Variants in NRG1 observed in about 807,000 individuals in gnomAD.
NRG1 encodes neuregulin 1.
A neutral mutation model predicts 63.8 loss-of-function variants in NRG1; 18 were observed. The observed-to-expected ratio is 0.28, with a 90% CI of 0.19 to 0.42. The LOEUF is 0.42. Among genes scored for constraint, NRG1 ranks in the 10% least tolerant of loss-of-function variants. NRG1 has a pLI of 1.00. For missense variants in NRG1, 762 were observed against 814.7 expected, an observed-to-expected ratio of 0.94 and a Z score of 0.79; for synonymous variants, 302 against 301.3, an observed-to-expected ratio of 1.00 and a Z score of -0.02.
intron 1 of NRG1, among the ~76,000 whole-genome samples, chr8:32,536,591 T>C (rs1299072289): frequency 6.6e-6 from 1 of 152,046 alleles, no homozygotes; most frequent in Non-Finnish European, 1.5e-5. Context: ...ACAGCATGTG[T>C]GTACCAGGGG....
chr8:31,659,006 C>T (rs1027775090), intron 1 of NRG1, among the ~76,000 whole-genome samples: 1 of 152,152 alleles, frequency 6.6e-6, no homozygotes, highest in Non-Finnish European at 1.5e-5. Flanking sequence ...GTTGTACCAC[C>T]CTGGTGCTCA....
chr8:32,496,453 G>A (rs1320609320), intron 1 of NRG1, among the ~76,000 whole-genome samples: 1 of 152,160 alleles, frequency 6.6e-6, no homozygotes, highest in African/African-American at 2.4e-5. Flanking sequence ...AACTGGGCAT[G>A]GCGGTGCGTG....
At chr8:32,760,216 A>C (rs1336909016) in exon 11 of NRG1, 1 of 1,614,004 alleles carries the variant, frequency 6.2e-7, no homozygotes, top group Admixed American at 1.7e-5. Flanking sequence ...CAACGGACAC[A>C]CTGAAAGCAT....
intron 1 of NRG1, among the ~76,000 whole-genome samples, chr8:32,137,440 T>G (rs1448302046): frequency 6.6e-6 from 1 of 151,990 alleles, no homozygotes; most frequent in Non-Finnish European, 1.5e-5. Flanking sequence ...AGACCCCATC[T>G]CAAAAGAAAA....
chr8:32,549,440 T>C (rs1485293468), intron 1 of NRG1, among the ~76,000 whole-genome samples: 2 of 152,224 alleles, frequency 1.3e-5, no homozygotes, highest in Non-Finnish European at 2.9e-5. Flanking sequence ...CAGGGATTCC[T>C]AAAGGTCAGC....
chr8:31,659,952 A>T (rs1338158218), intron 1 of NRG1, among the ~76,000 whole-genome samples: 1 of 152,118 alleles, frequency 6.6e-6, no homozygotes, highest in Non-Finnish European at 1.5e-5. Flanking sequence ...TCTTGACAAT[A>T]TCCCCAGAGA....
intron 1 of NRG1, among the ~76,000 whole-genome samples, chr8:32,008,665 T>C (rs1332133154): frequency 2.6e-5 from 4 of 152,162 alleles, no homozygotes; most frequent in Non-Finnish European, 4.4e-5. Flanking sequence ...TTGAGAACAA[T>C]TTACCAGATT....
intron 1 of NRG1, among the ~76,000 whole-genome samples, chr8:31,941,605 T>C (rs1003240961): frequency 2.0e-5 from 3 of 152,052 alleles, no homozygotes; most frequent in African/African-American, 7.2e-5. Context: ...ATCAAATTGT[T>C]GCTGTTTGCA....
chr8:32,735,727 CA>C (rs950973585), intron 6 of NRG1, among the ~76,000 whole-genome samples: 21 of 152,094 alleles, frequency 1.4e-4, no homozygotes, highest in African/African-American at 5.1e-4. Context: ...TAAACATGGG[CA>C]AGGGTTTTAG....
At chr8:31,706,533 C>T (rs1426655527) in intron 1 of NRG1, among the ~76,000 whole-genome samples, 1 of 152,048 alleles carries the variant, frequency 6.6e-6, no homozygotes, top group African/African-American at 2.4e-5. Flanking sequence ...ATTATATATG[C>T]ATAATTTTAT....
intron 5 of NRG1, among the ~76,000 whole-genome samples, chr8:32,634,804 T>C (rs1376548229): frequency 6.6e-6 from 1 of 152,236 alleles, no homozygotes; most frequent in African/African-American, 2.4e-5. Context: ...CTTCCATACT[T>C]TGTATCAGTA....
chr8:32,136,172 G>T (rs1835495330), intron 1 of NRG1, among the ~76,000 whole-genome samples: 1 of 152,148 alleles, frequency 6.6e-6, no homozygotes, highest in African/African-American at 2.4e-5. Flanking sequence ...TGCTGTTCAG[G>T]ATAATGAAGA....
chr8:32,612,647 A>G (rs969764718), intron 3 of NRG1, among the ~76,000 whole-genome samples: 1 of 151,876 alleles, frequency 6.6e-6, no homozygotes, highest in Non-Finnish European at 1.5e-5. Flanking sequence ...AATCTGAGGT[A>G]TTTTTTGCTG....
intron 2 of NRG1, among the ~76,000 whole-genome samples, chr8:32,597,418 T>G (rs1843553604): frequency 6.6e-6 from 1 of 152,172 alleles, no homozygotes; most frequent in Non-Finnish European, 1.5e-5. Context: ...CTCTAGTTAT[T>G]GATCATGTCA....
In NRG1 at chr8:32,719,561, A is replaced by C. The variant is rs147570744; in HGVS notation, c.503-8388A>C. On this transcript the variant is annotated intron_variant, in intron 5 of 11. Transcript: ENST00000356819. Reference sequence around the variant, plus strand: ...ACATAAAAATTAATGATAACCCCTTAATATTATTATTCATTATCTAATCCA... The same window carrying C: ...ACATAAAAATTAATGATAACCCCTTCATATTATTATTCATTATCTAATCCA... Among the ~76,000 whole-genome samples the C allele has an allele frequency of 1.7e-3, 256 of 152,168 alleles. 2 individuals are homozygous for C. The highest frequency in any genetic ancestry group is 6.1e-3 in the African/African-American group (252 of 41,556).
At chr8:32,024,311 G>A (rs1816907748) in intron 1 of NRG1, among the ~76,000 whole-genome samples, 1 of 152,180 alleles carries the variant, frequency 6.6e-6, no homozygotes, top group Non-Finnish European at 1.5e-5. Flanking sequence ...GAGCCTTTGA[G>A]TTCAAGAAAA....
intron 1 of NRG1, among the ~76,000 whole-genome samples, chr8:32,374,471 CCTAT>C (rs1809353334): frequency 6.6e-6 from 1 of 152,170 alleles, no homozygotes; most frequent in African/African-American, 2.4e-5. Flanking sequence ...TTCTCTGCTG[CCTAT>C]CTGTGTCGCA....
At chr8:32,314,533 G>T (rs992261596) in intron 1 of NRG1, among the ~76,000 whole-genome samples, 7 of 152,170 alleles carry the variant, frequency 4.6e-5, no homozygotes, top group Non-Finnish European at 4.4e-5. Flanking sequence ...CTGTAATACA[G>T]AAGTAAACAC....
intron 1 of NRG1, among the ~76,000 whole-genome samples, chr8:32,482,770 A>G (rs557624935): frequency 1.2e-4 from 19 of 152,280 alleles, no homozygotes; most frequent in East Asian, 1.9e-4. Context: ...GTGTTGAATC[A>G]GAAGGACTGG....
Sources: allele counts gnomAD v4.1 joint callset (sites outside exome capture counted in the v4.1 genomes callset), GRCh38; gene constraint gnomAD v4.1.1; transcripts MANE v1.5; gene names NCBI Gene and HGNC (gene_info 2026-07-23, HGNC 2026-07-21).